The following RGS7 variants were observed in gnomAD, a reference collection of about 807,000 sequenced individuals.
RGS7 encodes the protein regulator of G-protein signaling 7.
Under a neutral mutation model 81.1 loss-of-function variants are expected in RGS7, and 27 were observed. That is an observed-to-expected ratio of 0.33 (90% CI 0.25 to 0.46). The LOEUF (loss-of-function observed/expected upper bound fraction) is 0.46. RGS7 is among the 20% of genes least tolerant of loss of function. The pLI, the probability that RGS7 is intolerant of heterozygous loss-of-function variation, is 1.00. For missense variants in RGS7, 396 were observed against 607.4 expected, an observed-to-expected ratio of 0.65 and a Z score of 3.66; for synonymous variants, 208 against 207.7, an observed-to-expected ratio of 1.00 and a Z score of -0.01.
intron 3 of RGS7, among the ~76,000 whole-genome samples, chr1:241,006,786 G>A (rs749868375): frequency 1.3e-5 from 2 of 152,266 alleles, no homozygotes; most frequent in East Asian, 1.9e-4. Context: ...CCTCTGCCAC[G>A]AAAGATAGCA....
intron 6 of RGS7, among the ~76,000 whole-genome samples, chr1:240,874,699 A>T (rs1033997709): frequency 5.9e-5 from 9 of 152,194 alleles, no homozygotes; most frequent in Admixed American, 5.9e-4. Flanking sequence ...GCTAATTAAC[A>T]TTTCCGTCAC....
chr1:241,149,825 G>T (rs1181911186), intron 2 of RGS7, among the ~76,000 whole-genome samples: 1 of 152,110 alleles, frequency 6.6e-6, no homozygotes, highest in Non-Finnish European at 1.5e-5. Flanking sequence ...GCCCAGGCTG[G>T]AGTGTAGTGG....
At chr1:241,300,149 G>A (rs1238091715) in intron 2 of RGS7, among the ~76,000 whole-genome samples, 1 of 151,642 alleles carries the variant, frequency 6.6e-6, no homozygotes, top group Non-Finnish European at 1.5e-5. Context: ...GCAGTTTTAG[G>A]TTCACAGCAA....
intron 2 of RGS7, among the ~76,000 whole-genome samples, chr1:241,106,738 A>C (rs1258361518): frequency 6.0e-4 from 74 of 124,344 alleles, no homozygotes; most frequent in African/African-American, 2.8e-3. Flanking sequence ...AAAAAAAAAA[A>C]ACCAACACCA....
intron 3 of RGS7, among the ~76,000 whole-genome samples, chr1:241,063,690 C>G (rs2061869975): frequency 6.6e-6 from 1 of 152,096 alleles, no homozygotes; most frequent in African/African-American, 2.4e-5. Flanking sequence ...TAATATTCAC[C>G]CATCCATCCA....
At chr1:241,292,959 A>T (rs956019804) in intron 2 of RGS7, among the ~76,000 whole-genome samples, 4 of 152,262 alleles carry the variant, frequency 2.6e-5, no homozygotes, top group African/African-American at 9.6e-5. Flanking sequence ...CTCAAATACC[A>T]TTAAACGCAT....
chr1:241,019,955 AAGTGATGACTTAAAAAG>A (rs1437346105), intron 3 of RGS7, among the ~76,000 whole-genome samples: 1 of 152,218 alleles, frequency 6.6e-6, no homozygotes, highest in Non-Finnish European at 1.5e-5. Flanking sequence ...AAAGATTTCC[AAGTGATGACTTAAAAAG>A]AGTGATGACT....
intron 5 of RGS7, among the ~76,000 whole-genome samples, chr1:240,931,971 A>T (rs1675517761): frequency 6.6e-6 from 1 of 152,186 alleles, no homozygotes; most frequent in Non-Finnish European, 1.5e-5. Context: ...TCACTGTAAC[A>T]GTGATGGCAA....
intron 3 of RGS7, among the ~76,000 whole-genome samples, chr1:241,033,102 C>T (rs1236263380): frequency 1.3e-5 from 2 of 152,186 alleles, no homozygotes; most frequent in Non-Finnish European, 2.9e-5. Context: ...ACGCCTGCAA[C>T]CCCAGCACTT....
chr1:241,190,213 A>G lies in RGS7; in HGVS notation c.79-91451T>C, dbSNP rs193201353. 2.4e-4 allele frequency among the ~76,000 whole-genome samples: 37 copies of G among 152,294 alleles called. No homozygotes were observed. The East Asian group carries it at 6.2e-3, about 25-fold the overall frequency. ...GGATTTATGTGTCTGTTCCACTGAT[A>G]ATCTTGATACTATAGTGACATAGTA... On this transcript the variant is annotated intron_variant, in intron 2 of 18. Transcript: ENST00000440928.
intron 2 of RGS7, among the ~76,000 whole-genome samples, chr1:241,212,887 C>T (rs1288087241): frequency 1.3e-5 from 2 of 152,132 alleles, no homozygotes; most frequent in African/African-American, 2.4e-5. Context: ...GCCACAGCTC[C>T]GGTTAGATGA....
intron 3 of RGS7, among the ~76,000 whole-genome samples, chr1:241,062,893 C>A (rs1326597519): frequency 2.6e-5 from 4 of 152,188 alleles, no homozygotes; most frequent in African/African-American, 9.7e-5. Flanking sequence ...GTTAACTCTT[C>A]CTTTCACAAG....
At chr1:240,864,807 GGAGTGGTCTTCA>G (rs796711791) in intron 9 of RGS7, among the ~76,000 whole-genome samples, 1 of 152,238 alleles carries the variant, frequency 6.6e-6, no homozygotes, top group African/African-American at 2.4e-5. Flanking sequence ...GATGGCTATG[GGAGTGGTCTTCA>G]GAGTTATTCT....
intron 2 of RGS7, among the ~76,000 whole-genome samples, chr1:241,162,038 G>C (rs375718515): frequency 2.0e-5 from 3 of 152,134 alleles, no homozygotes; most frequent in African/African-American, 7.2e-5. Flanking sequence ...TGTTAAAGCA[G>C]GTAGCTAGGC....
intron 3 of RGS7, among the ~76,000 whole-genome samples, chr1:241,045,947 C>G (rs555370825): frequency 3.3e-5 from 5 of 152,086 alleles, no homozygotes; most frequent in Non-Finnish European, 7.4e-5. Flanking sequence ...GTAATATGGG[C>G]CAGCTTCACA....
chr1:241,076,165 C>T (rs920478033), intron 3 of RGS7, among the ~76,000 whole-genome samples: 2 of 152,030 alleles, frequency 1.3e-5, no homozygotes, highest in African/African-American at 4.8e-5. Context: ...ATGTATGCAA[C>T]GTGGCTTATT....
chr1:241,065,841 C>A (rs527888837), intron 3 of RGS7, among the ~76,000 whole-genome samples: 2 of 152,256 alleles, frequency 1.3e-5, no homozygotes, highest in African/African-American at 4.8e-5. Context: ...TAGCCTCAAA[C>A]TCCTCAAATG....
At chr1:240,807,806 G>C (rs528286031) in intron 14 of RGS7, among the ~76,000 whole-genome samples, 1 of 151,942 alleles carries the variant, frequency 6.6e-6, no homozygotes, top group African/African-American at 2.4e-5. Flanking sequence ...AGGCTGAGGC[G>C]GGCAGATAAC....
chr1:240,886,244 C>T (rs1020458455), intron 6 of RGS7, among the ~76,000 whole-genome samples: 1 of 152,252 alleles, frequency 6.6e-6, no homozygotes, highest in Middle Eastern at 3.4e-3. Flanking sequence ...ACCAAAGTGA[C>T]AGGTTCTGAG....
Sources: allele counts gnomAD v4.1 joint callset (sites outside exome capture counted in the v4.1 genomes callset), GRCh38; gene constraint gnomAD v4.1.1; transcripts MANE v1.5; gene names NCBI Gene and HGNC (gene_info 2026-07-23, HGNC 2026-07-21).